KLF12: variants seen among roughly 807,000 people sequenced by gnomAD.
KLF12 encodes Krueppel-like factor 12.
In KLF12, 9 loss-of-function variants were observed where a neutral mutation model predicts 37.8. The ratio of observed to expected loss-of-function variants is 0.24; its 90% CI spans 0.14 to 0.42. The LOEUF is 0.42. Ranked by LOEUF, KLF12 falls within the 10% of genes least tolerant of loss-of-function variation. The pLI is 1.00. For synonymous variants in KLF12, 208 were observed against 202.1 expected (o/e 1.03, Z -0.25); for missense variants, 411 against 516.0 (o/e 0.80, Z 1.97).
At chr13:74,055,291 T>A (rs1281737676) in intron 1 of KLF12, among the ~76,000 whole-genome samples, 1 of 152,226 alleles carries the variant, frequency 6.6e-6, no homozygotes, top group Admixed American at 6.5e-5. Flanking sequence ...TCCATTTACT[T>A]ACATGTCTTT....
chr13:74,084,076 A>G (rs1875104523), intron 1 of KLF12, among the ~76,000 whole-genome samples: 7 of 152,240 alleles, frequency 4.6e-5, no homozygotes, highest in Admixed American at 3.3e-4. Context: ...TTTTAATGTT[A>G]CCGAACAAGT....
At chr13:74,257,592 T>A in the KLF12 span, 14 of 152,170 alleles carry the variant, frequency 9.2e-5, no homozygotes, top group African/African-American at 3.4e-4. Context: ...TCCCAGAAAC[T>A]TAGAGGCAAC....
At chr13:74,103,134 C>A (rs891847181) in intron 1 of KLF12, among the ~76,000 whole-genome samples, 6 of 152,126 alleles carry the variant, frequency 3.9e-5, no homozygotes, top group African/African-American at 1.4e-4. Context: ...TGATGAAATG[C>A]GAAACGTGTG....
chr13:74,062,175 G>A (rs117819492), intron 1 of KLF12, among the ~76,000 whole-genome samples: 2,393 of 152,252 alleles, frequency 0.016, 31 homozygotes, highest in Non-Finnish European at 0.028. Flanking sequence ...AAGAGTGTCT[G>A]CTTTGCTTCA....
intron 1 of KLF12, among the ~76,000 whole-genome samples, chr13:74,013,868 G>A (rs74966734): frequency 6.7e-6 from 1 of 149,280 alleles, no homozygotes; most frequent in Non-Finnish European, 1.5e-5. Context: ...TTTTTTTTAA[G>A]AGATGAGGTC....
At chr13:74,140,145 C>CT in the KLF12 span, among the ~76,000 whole-genome samples, 85 of 152,238 alleles carry the variant, frequency 5.6e-4, no homozygotes, top group Admixed American at 1.1e-3. Flanking sequence ...ATAGTTTCCT[C>CT]TAAGTTGTGT....
chr13:73,789,603 T>G (rs772571004), intron 5 of KLF12, among the ~76,000 whole-genome samples: 4 of 151,870 alleles, frequency 2.6e-5, no homozygotes, highest in Non-Finnish European at 4.4e-5. Context: ...TCTTCCCAAG[T>G]GTAATGGAAA....
At chr13:74,034,033 G>C (rs1893181334) in intron 1 of KLF12, among the ~76,000 whole-genome samples, 1 of 150,808 alleles carries the variant, frequency 6.6e-6, no homozygotes, top group Admixed American at 6.6e-5. Context: ...TCTGTTTACT[G>C]GTCATTTACG....
chr13:73,944,835 T>TA (rs1890346636), intron 2 of KLF12, among the ~76,000 whole-genome samples: 2 of 152,196 alleles, frequency 1.3e-5, no homozygotes, highest in African/African-American at 4.8e-5. Context: ...GGGGATTTTC[T>TA]ACAGTCAGCA....
chr13:74,099,020 T>G (rs148743642), intron 1 of KLF12, among the ~76,000 whole-genome samples: 4 of 152,266 alleles, frequency 2.6e-5, no homozygotes, highest in African/African-American at 9.6e-5. Flanking sequence ...ACTGGACATA[T>G]ATACATCATT....
At chr13:74,008,638 T>C (rs952615371) in intron 1 of KLF12, among the ~76,000 whole-genome samples, 2 of 152,266 alleles carry the variant, frequency 1.3e-5, no homozygotes, top group Admixed American at 1.3e-4. Context: ...TCAGTTAAAC[T>C]TTCTGGTCTC....
the KLF12 span, among the ~76,000 whole-genome samples, chr13:74,233,191 T>G: frequency 6.6e-6 from 1 of 152,198 alleles, no homozygotes; most frequent in Admixed American, 6.6e-5. Context: ...CCTGATCTTA[T>G]TTTATAAAGA....
chr13:73,979,563 AC>A (rs1300144957), intron 2 of KLF12, among the ~76,000 whole-genome samples: 1 of 152,192 alleles, frequency 6.6e-6, no homozygotes, highest in Non-Finnish European at 1.5e-5. Flanking sequence ...ATGGAAATAA[AC>A]AAAAGGAAAT....
intron 5 of KLF12, among the ~76,000 whole-genome samples, chr13:73,766,069 G>A (rs920924760): frequency 2.0e-5 from 3 of 152,156 alleles, no homozygotes; most frequent in Admixed American, 1.3e-4. Context: ...CTTTGCACTC[G>A]GAAGGCTTAT....
At chr13:73,728,522 G>C (rs998023997) in intron 6 of KLF12, among the ~76,000 whole-genome samples, 5 of 152,166 alleles carry the variant, frequency 3.3e-5, no homozygotes, top group African/African-American at 1.2e-4. Flanking sequence ...CTTAGGGTTA[G>C]GTGCTCAGTC....
At position 73,754,414 on chromosome 13, in the gene KLF12, C is replaced by A. The variant is rs371724196; in HGVS notation, c.869+10524G>T. ...TTCCTCTGACTGGTGTGCCCGGGAC[C>A]CTTGCCTCTCATCACGCAGGCCTCT... On this transcript the variant is annotated intron_variant, in intron 6 of 7. Transcript: ENST00000377669. 3.2e-4 allele frequency among the ~76,000 whole-genome samples: 49 copies of A among 152,220 alleles called. No homozygotes were observed. The East Asian group carries it at 5.6e-3, about 17-fold the overall frequency.
At chr13:74,025,561 G>GT (rs750925069) in intron 1 of KLF12, among the ~76,000 whole-genome samples, 20 of 144,758 alleles carry the variant, frequency 1.4e-4, no homozygotes, top group African/African-American at 5.4e-4. Flanking sequence ...TTTGTTCAGA[G>GT]TTAAAAAAAA....
intron 6 of KLF12, among the ~76,000 whole-genome samples, chr13:73,722,054 G>A (rs1401692020): frequency 6.6e-6 from 1 of 152,166 alleles, no homozygotes; most frequent in Non-Finnish European, 1.5e-5. Flanking sequence ...CTTAAGGGAA[G>A]TGGGAGCATT....
the KLF12 span, among the ~76,000 whole-genome samples, chr13:74,263,228 C>A: frequency 6.6e-6 from 1 of 152,130 alleles, no homozygotes; most frequent in African/African-American, 2.4e-5. Flanking sequence ...TTGTACACAT[C>A]TTTTTACTTA....
Sources: allele counts gnomAD v4.1 joint callset (sites outside exome capture counted in the v4.1 genomes callset), GRCh38; gene constraint gnomAD v4.1.1; transcripts MANE v1.5; gene names NCBI Gene and HGNC (gene_info 2026-07-23, HGNC 2026-07-21).